The following GFPT2 variants were observed in gnomAD, a reference collection of about 807,000 sequenced individuals.
GFPT2 encodes glutamine--fructose-6-phosphate aminotransferase [isomerizing] 2.
GFPT2 carries 62 observed loss-of-function variants against 85.6 expected under a neutral mutation model. The ratio of observed to expected loss-of-function variants is 0.72; its 90% confidence interval spans 0.59 to 0.90. GFPT2 has a LOEUF of 0.90. Among genes scored for constraint, GFPT2 ranks in the 40% least tolerant of loss-of-function variants. The pLI, the probability that GFPT2 is intolerant of heterozygous loss-of-function variation, is 0.00. For missense variants in GFPT2, 788 were observed against 893.4 expected (o/e 0.88, Z 1.50); for synonymous variants, 368 against 344.5 (o/e 1.07, Z -0.75).
At position 180,328,815 on chromosome 5, in the gene GFPT2, C is replaced by T. The variant is rs972058061; in HGVS notation, c.535-477G>A. The stretch of plus-strand genomic sequence containing the variant: ...CTTCTTGGCGCCTCGTTCTCCTCAT[C>T]GGTGAAGGAAGTGAGAACAGCGCCA... On this transcript the variant is annotated intron_variant, in intron 6 of 18. Transcript: ENST00000253778. The surrounding 1 kb of genome is among the most constrained non-coding windows in gnomAD (Gnocchi z 5.4). Among the ~76,000 whole-genome samples the T allele has an allele frequency of 6.6e-6, 1 of 152,224 alleles. No individual in the cohort carries two copies. Among genetic ancestry groups the T allele is most frequent in the African/African-American group, 2.4e-5 (1 of 41,464 alleles).
chr5:180,312,811 G>A (rs1217554960), intron 14 of GFPT2, among the ~76,000 whole-genome samples: 1 of 151,606 alleles, frequency 6.6e-6, no homozygotes, highest in African/African-American at 2.4e-5. Flanking sequence ...AAGTCTTGCT[G>A]TGTCACCCAG....
intron 1 of GFPT2, among the ~76,000 whole-genome samples, chr5:180,347,687 C>A (rs1764635832): frequency 6.6e-6 from 1 of 152,130 alleles, no homozygotes. Context: ...CAGGGTTCAA[C>A]CCCCAAGTGA....
intron 1 of GFPT2, among the ~76,000 whole-genome samples, chr5:180,339,775 C>G (rs1326510759): frequency 1.3e-5 from 2 of 152,256 alleles, no homozygotes; most frequent in Non-Finnish European, 2.9e-5. Context: ...CACCTCAGTG[C>G]TCTCACGTCA....
chr5:180,335,678 TG>T, intron 4 of GFPT2, 149 bp downstream of exon 4: 1 of 825,116 alleles, frequency 1.2e-6, no homozygotes, highest in Non-Finnish European at 1.8e-6. Flanking sequence ...GGCAGAGCTC[TG>T]GGAGAGGGGA....
chr5:180,321,797 GT>G (rs1764126485), intron 9 of GFPT2, among the ~76,000 whole-genome samples: 1 of 151,390 alleles, frequency 6.6e-6, no homozygotes, highest in Non-Finnish European at 1.5e-5. Context: ...GTTTTGTTTT[GT>G]TTTGAGACGG....
rs1265686555 is a variant in GFPT2, at chr5:180,313,721, G to A, written c.1431+86C>T. 5 of 1,201,938 alleles carry A rather than the reference G, an allele frequency of 4.2e-6. No individual in the cohort carries two copies. In the Admixed American group the frequency reaches 9.9e-5, roughly 24 times the overall value. 74.5% of individuals were successfully genotyped at this position (1,201,938 alleles called of 1,614,324 possible). On this transcript the variant is annotated intron_variant, in intron 14 of 18. Transcript: ENST00000253778. Reference sequence around the variant, plus strand: ...AAGGGGAAAGAAAGGCGGTGGCGCGGGCAGAGCAGGCCGGAGGAGGGCGGC... The same window carrying A: ...AAGGGGAAAGAAAGGCGGTGGCGCGAGCAGAGCAGGCCGGAGGAGGGCGGC...
chr5:180,344,063 G>T (rs1346308555), intron 1 of GFPT2, among the ~76,000 whole-genome samples: 1 of 152,162 alleles, frequency 6.6e-6, no homozygotes, highest in Non-Finnish European at 1.5e-5. Flanking sequence ...ACAGGCAAGG[G>T]ACAGGCAAGG....
intron 4 of GFPT2, among the ~76,000 whole-genome samples, chr5:180,332,256 AG>A (rs571124265): frequency 8.1e-6 from 1 of 124,042 alleles, no homozygotes; most frequent in African/African-American, 2.7e-5. Flanking sequence ...CGGGGGGAGC[AG>A]GGGGATGCGG....
chr5:180,343,284 C>T (rs772266640), intron 1 of GFPT2, among the ~76,000 whole-genome samples: 10 of 152,200 alleles, frequency 6.6e-5, no homozygotes, highest in South Asian at 2.1e-4. Context: ...ACACGTCAGG[C>T]GAGAACGTTC....
chr5:180,330,786 C>A lies in GFPT2; in HGVS notation c.448G>T (p.Ala150Ser). The change falls in exon 6 of 19, where the codon GCC becomes TCC. Residue 150 changes from alanine (A) to serine (S), a missense_variant. Ala to Ser is a moderately conservative substitution (Grantham distance 99). Transcript: ENST00000253778. The surrounding 1 kb of genome is among the most constrained non-coding windows in gnomAD (Gnocchi z 4.4). ...FESETDTETI[A>S]KLIKYVFDNR... Reference sequence around the variant, plus strand: ...TCGAACACATATTTAATCAGCTTGGCGATGGTCTCTGTATCTGTTTCTGAC... The same window carrying A: ...TCGAACACATATTTAATCAGCTTGGAGATGGTCTCTGTATCTGTTTCTGAC... The A allele has an allele frequency of 6.2e-7, 1 of 1,612,828 alleles. No individual in the cohort carries two copies. The highest frequency in any genetic ancestry group is 8.5e-7 in the Non-Finnish European group (1 of 1,178,848).
At chr5:180,320,055 C>T (rs1034543695) in intron 9 of GFPT2, among the ~76,000 whole-genome samples, 4 of 151,970 alleles carry the variant, frequency 2.6e-5, no homozygotes, top group East Asian at 1.9e-4. Context: ...TGCAGTGGCG[C>T]GATCTCCACT....
In GFPT2 at chr5:180,311,537, G is replaced by A. The variant is rs116018438; in HGVS notation, c.1546+893C>T. ...AAGTGTGGTGGGGCTGCCAAGGAGC[G>A]CCTGGCATAGGAAGGACCTGGGGCC... On this transcript the variant is annotated intron_variant, in intron 15 of 18. Transcript: ENST00000253778. Among the ~76,000 whole-genome samples the A allele has an allele frequency of 9.4e-3, 1,427 of 152,324 alleles. 28 individuals are homozygous for A. The highest frequency in any genetic ancestry group is 0.033 in the African/African-American group (1,357 of 41,566).
chr5:180,329,702 G>A (rs1292333288), intron 6 of GFPT2, among the ~76,000 whole-genome samples: 1 of 152,200 alleles, frequency 6.6e-6, no homozygotes, highest in Non-Finnish European at 1.5e-5. Context: ...CTACAGGATG[G>A]TGCCTGCCAG....
At chr5:180,305,554 A>C (rs1438019154) in intron 16 of GFPT2, among the ~76,000 whole-genome samples, 1 of 152,206 alleles carries the variant, frequency 6.6e-6, no homozygotes, top group Non-Finnish European at 1.5e-5. Flanking sequence ...GGTCAGGGCC[A>C]CACTGTAAGG....
intron 5 of GFPT2, among the ~76,000 whole-genome samples, chr5:180,331,185 A>G (rs576379739): frequency 6.6e-6 from 1 of 152,158 alleles, no homozygotes; most frequent in South Asian, 2.1e-4. Context: ...TTCCGTCCCA[A>G]CTCCGCCGGT....
rs185608047 is a variant in GFPT2 at position 180,328,682 on chromosome 5, G to A, written c.535-344C>T. Among the ~76,000 whole-genome samples, 1 of 152,158 alleles carries A rather than the reference G, an allele frequency of 6.6e-6. No homozygotes were observed. Among genetic ancestry groups the A allele is most frequent in the Non-Finnish European group, 1.5e-5 (1 of 68,024 alleles). ...GACCAGGCTTCCCTGCCCTGCTCAG[G>A]GACAGCACCTACTCAGCAAGCCCCT... On this transcript the variant is annotated intron_variant, in intron 6 of 18. Coordinates refer to ENST00000253778, the MANE Select transcript of GFPT2 (RefSeq NM_005110.4). This position sits in a 1 kb window ranked among gnomAD's most constrained non-coding sequence, Gnocchi z 5.4.
Position 180,353,258 on chromosome 5 carries a change from T to G in GFPT2, c.-41A>C, listed in dbSNP as rs536060057. ...GGCTCCTTCGCGGCTCGAGGGGGTC[T>G]GCCCGTTCGGACGCTGGGGCTCCTC... On this transcript the variant is annotated 5_prime_UTR_variant, in exon 1 of 19. Coordinates refer to ENST00000253778, the MANE Select transcript of GFPT2 (RefSeq NM_005110.4). 3 of 1,239,846 alleles carry G rather than the reference T, an allele frequency of 2.4e-6. No individual in the cohort carries two copies. In the South Asian group the frequency reaches 1.2e-4, roughly 51 times the overall value. The allele number at this position is 1,239,846 out of a possible 1,614,324, so 76.8% of individuals were successfully genotyped here. A position where few individuals can be genotyped will look rare whatever the true frequency, so the allele number is the denominator to read the frequency against.
chr5:180,326,950 A>G (rs1400174293), intron 7 of GFPT2, among the ~76,000 whole-genome samples: 1 of 152,232 alleles, frequency 6.6e-6, no homozygotes, highest in East Asian at 1.9e-4. Context: ...GGATTTTAAA[A>G]AGGGCTTCTA....
chr5:180,314,081 G>C, intron 13 of GFPT2, 117 bp from the exon 14 acceptor site: 2 of 1,023,522 alleles, frequency 2.0e-6, no homozygotes, highest in Non-Finnish European at 2.7e-6. Flanking sequence ...CACAGCCAGC[G>C]GGTGTTCAGA....
Sources: allele counts gnomAD v4.1 joint callset (sites outside exome capture counted in the v4.1 genomes callset), GRCh38; gene constraint gnomAD v4.1.1; non-coding constraint Gnocchi (gnomAD v3.1); transcripts MANE v1.5; gene names NCBI Gene and HGNC (gene_info 2026-07-23, HGNC 2026-07-21).